Variants in TEX14 observed in about 807,000 individuals in gnomAD.
TEX14 encodes the protein inactive serine/threonine-protein kinase TEX14.
Under a neutral mutation model 178.6 loss-of-function variants are expected in TEX14, and 168 were observed. The observed-to-expected ratio is 0.94, with a 90% CI of 0.83 to 1.07. The LOEUF is 1.07. TEX14 is among the 50% of genes least tolerant of loss of function. The pLI is 0.00. For missense variants in TEX14, 1,730 were observed against 1,753.6 expected (o/e 0.99, Z 0.24); for synonymous variants, 626 against 634.1 (o/e 0.99, Z 0.19).
intron 1 of TEX14, among the ~76,000 whole-genome samples, chr17:58,686,621 T>C (rs1003182360): frequency 6.6e-6 from 1 of 152,138 alleles, no homozygotes; most frequent in Non-Finnish European, 1.5e-5. Context: ...AAGTGTGGCA[T>C]TAAAAAAGCC....
At chr17:58,617,868 T>C (rs1271590929) in intron 5 of TEX14, among the ~76,000 whole-genome samples, 2 of 152,214 alleles carry the variant, frequency 1.3e-5, no homozygotes, top group African/African-American at 4.8e-5. Context: ...CATTTTTGAC[T>C]GTTAACAGTG....
At chr17:58,579,625 G>A (rs760505521) in intron 20 of TEX14, 40 bp downstream of exon 20, 2 of 1,539,554 alleles carry the variant, frequency 1.3e-6, no homozygotes, top group East Asian at 2.2e-5. Flanking sequence ...GAAATTTAAG[G>A]GAAGTGATTC....
chr17:58,628,032 G>A (rs1234828434), intron 3 of TEX14, among the ~76,000 whole-genome samples: 2 of 150,866 alleles, frequency 1.3e-5, no homozygotes, highest in Non-Finnish European at 2.9e-5. Context: ...GGGATTACAG[G>A]TGTGAGCTAC....
intron 2 of TEX14, chr17:58,631,698 A>T (rs978751168): frequency 3.3e-5 from 5 of 151,650 alleles, no homozygotes; most frequent in African/African-American, 1.2e-4. Flanking sequence ...CAGCAGTTAG[A>T]ATAACGCAAC....
At chr17:58,568,080 T>C (rs2044440134) in intron 26 of TEX14, among the ~76,000 whole-genome samples, 1 of 152,204 alleles carries the variant, frequency 6.6e-6, no homozygotes. Context: ...TCTGTTATTT[T>C]AAGAAGAGCA....
At chr17:58,691,459 G>A (rs1201567831) in intron 1 of TEX14, among the ~76,000 whole-genome samples, 2 of 151,778 alleles carry the variant, frequency 1.3e-5, no homozygotes, top group African/African-American at 2.4e-5. Context: ...ACGAGGTCAG[G>A]AGTTCGAGAC....
intron 10 of TEX14, among the ~76,000 whole-genome samples, chr17:58,610,067 G>A (rs1448607256): frequency 6.6e-6 from 1 of 152,222 alleles, no homozygotes; most frequent in Non-Finnish European, 1.5e-5. Context: ...GTAAGGAAGC[G>A]CAGGGGAGAG....
rs1476885231 is a variant in TEX14 at position 58,613,427 on chromosome 17, A to G, written c.999T>C (p.His333=). Residue 333 remains histidine (H), a synonymous_variant, in exon 9 of 32, where the codon CAT becomes CAC. Coordinates refer to ENST00000349033, the MANE Select transcript of TEX14 (RefSeq NM_031272.5). The part of the protein sequence containing the change: ...ITIGTLFSVL[H]ERRSQFPVLH... ...CACGGAAACAGCAGTTTACTCGTTCATGAAGGACACTGAACAATGTGCCGA... is the reference window on the plus strand; with the variant it reads ...CACGGAAACAGCAGTTTACTCGTTCGTGAAGGACACTGAACAATGTGCCGA... 1 of 1,614,004 alleles carries G rather than the reference A, an allele frequency of 6.2e-7. No homozygotes were observed. The highest frequency in any genetic ancestry group is 8.5e-7 in the Non-Finnish European group (1 of 1,179,996).
chr17:58,581,732 T>C (rs1359331289), intron 19 of TEX14: 4 of 1,607,364 alleles, frequency 2.5e-6, no homozygotes, highest in Non-Finnish European at 3.4e-6. Flanking sequence ...GGACTGATGC[T>C]ATTAATAATG....
At chr17:58,664,730 AAT>A (rs750420041) in intron 1 of TEX14, among the ~76,000 whole-genome samples, 11 of 152,318 alleles carry the variant, frequency 7.2e-5, no homozygotes, top group Non-Finnish European at 1.5e-4. Flanking sequence ...TTTCCATTAA[AAT>A]ATATGTTAAA....
chr17:58,560,964 C>T (rs193218095), intron 29 of TEX14, among the ~76,000 whole-genome samples: 1 of 152,340 alleles, frequency 6.6e-6, no homozygotes, highest in African/African-American at 2.4e-5. Flanking sequence ...CTCATCATGT[C>T]TCAAGATGCA....
In TEX14 at chr17:58,689,418, G is replaced by A. The variant is rs533060990; in HGVS notation, c.-2+2521C>T. ...GTGTTTTTAGTAGAGACAGGGTTTCGTCATGTTGGCCAGGATGGTCTTGAT... is the reference window on the plus strand; with the variant it reads ...GTGTTTTTAGTAGAGACAGGGTTTCATCATGTTGGCCAGGATGGTCTTGAT... On this transcript the variant is annotated intron_variant, in intron 1 of 31. Transcript: ENST00000349033. 2.6e-5 allele frequency among the ~76,000 whole-genome samples: 4 copies of A among 151,598 alleles called. No individual in the cohort carries two copies. The East Asian group carries it at 5.8e-4, about 22-fold the overall frequency.
intron 9 of TEX14, among the ~76,000 whole-genome samples, chr17:58,612,599 G>A (rs1262512747): frequency 6.6e-6 from 1 of 151,892 alleles, no homozygotes; most frequent in Non-Finnish European, 1.5e-5. Flanking sequence ...GCTGGGTGTG[G>A]TGGGGGGTGC....
At chr17:58,615,211 G>A in intron 8 of TEX14, 21 bp downstream of exon 8, 2 of 1,469,008 alleles carry the variant, frequency 1.4e-6, no homozygotes, top group South Asian at 2.3e-5. Flanking sequence ...ACCTATAAGG[G>A]GCCTTGGGCT....
intron 1 of TEX14, among the ~76,000 whole-genome samples, chr17:58,682,919 T>A (rs1205915268): frequency 6.6e-6 from 1 of 151,908 alleles, no homozygotes; most frequent in Non-Finnish European, 1.5e-5. Context: ...CTCATTTCTT[T>A]GATTAGAAAA....
At chr17:58,633,641 G>A (rs998011910) in intron 2 of TEX14, among the ~76,000 whole-genome samples, 3 of 151,840 alleles carry the variant, frequency 2.0e-5, no homozygotes, top group African/African-American at 7.3e-5. Flanking sequence ...CCTGGCCAAT[G>A]TGGACAAACC....
intron 14 of TEX14, among the ~76,000 whole-genome samples, chr17:58,597,878 C>G (rs920564507): frequency 2.6e-5 from 4 of 152,164 alleles, no homozygotes; most frequent in African/African-American, 9.7e-5. Context: ...AGGAGCCTCT[C>G]TGCAAGCTAT....
chr17:58,561,448 C>G (rs1383228585), intron 29 of TEX14, 72 bp downstream of exon 29: 7 of 1,027,748 alleles, frequency 6.8e-6, no homozygotes, highest in Non-Finnish European at 9.1e-6. Context: ...GGCATTCATT[C>G]TCCAAGAAGT....
intron 14 of TEX14, among the ~76,000 whole-genome samples, chr17:58,598,582 G>A (rs748946552): frequency 2.0e-5 from 3 of 152,204 alleles, no homozygotes; most frequent in Admixed American, 2.0e-4. Flanking sequence ...CTGGGAGACA[G>A]AGAGTATCTA....
Sources: gnomAD v4.1 joint callset for allele counts (sites outside exome capture counted in the v4.1 genomes callset) on GRCh38, gnomAD v4.1.1 for gene constraint, MANE v1.5 for transcripts, NCBI Gene and HGNC (gene_info 2026-07-23, HGNC 2026-07-21) for gene names.